Variants in SERTAD4 observed in about 807,000 individuals in gnomAD.
SERTAD4 encodes the protein SERTA domain-containing protein 4.
In SERTAD4, 18 loss-of-function variants were observed where a neutral mutation model predicts 32.9. The ratio of observed to expected loss-of-function variants is 0.55; its 90% CI spans 0.38 to 0.81. SERTAD4 has a LOEUF of 0.81. SERTAD4 is among the 30% of genes least tolerant of loss of function. The pLI, the probability that SERTAD4 is intolerant of heterozygous loss-of-function variation, is 0.00. For missense variants in SERTAD4, 383 were observed against 426.0 expected, an observed-to-expected ratio of 0.90 and a Z score of 0.89; for synonymous variants, 150 against 156.4, an observed-to-expected ratio of 0.96 and a Z score of 0.30.
At chr1:210,235,388 T>C (rs2083931040) in intron 1 of SERTAD4, among the ~76,000 whole-genome samples, 1 of 152,220 alleles carries the variant, frequency 6.6e-6, no homozygotes, top group African/African-American at 2.4e-5. Context: ...AAGTTTTAAA[T>C]AGACTAGGAA....
At position 210,242,896 on chromosome 1, in the gene SERTAD4, C is replaced by T. The variant is rs1251780640; in HGVS notation, c.*559C>T. 2.0e-6 allele frequency: 2 copies of T among 985,630 alleles called. No homozygotes were observed. The highest frequency in any genetic ancestry group is 2.4e-6 in the Non-Finnish European group (2 of 830,098). 61.1% of individuals were successfully genotyped at this position (985,630 alleles called of 1,614,324 possible). A position where few individuals can be genotyped will look rare whatever the true frequency, so the allele number is the denominator to read the frequency against. ...TAGGATGTAACATAATGAAACACAC[C>T]TGTCTAGGGGCGGCAATCAACAGTC... is the stretch of plus-strand genomic sequence containing the variant. On this transcript the variant is annotated 3_prime_UTR_variant, in exon 4 of 4. Coordinates refer to ENST00000367012, the MANE Select transcript of SERTAD4 (RefSeq NM_019605.5). The surrounding 1 kb of genome is among the most constrained non-coding windows in gnomAD (Gnocchi z 4.0).
chr1:210,238,164 C>G, intron 2 of SERTAD4, 29 bp downstream of exon 2: 1 of 1,403,774 alleles, frequency 7.1e-7, no homozygotes, highest in Non-Finnish European at 9.8e-7. Context: ...GCCCATCCCC[C>G]CCACCCCTCG....
chr1:210,243,093 CAAAAAAAA>C lies in SERTAD4; in HGVS notation c.*771_*778del, dbSNP rs57426441. 4.6e-3 allele frequency: 2,231 copies of C among 486,522 alleles called. 30 individuals are homozygous for C. In the African/African-American group the frequency reaches 0.064, roughly 14 times the overall value. 30.1% of individuals were successfully genotyped at this position (486,522 alleles called of 1,614,324 possible). ...TACAGCAGGGATTTAACAAACAGGA[CAAAAAAAA>C]AAAAAAAAAAAAAACCACAGGGTGG... On this transcript the variant is annotated 3_prime_UTR_variant, in exon 4 of 4. Coordinates refer to ENST00000367012, the MANE Select transcript of SERTAD4 (RefSeq NM_019605.5).
At chr1:210,240,462 A>T (rs896412905) in intron 3 of SERTAD4, among the ~76,000 whole-genome samples, 1 of 152,168 alleles carries the variant, frequency 6.6e-6, no homozygotes, top group African/African-American at 2.4e-5. Context: ...ATGCATTGGT[A>T]GGTACTGGGC....
chr1:210,238,716 C>T (rs539936695), intron 2 of SERTAD4, among the ~76,000 whole-genome samples: 1 of 152,252 alleles, frequency 6.6e-6, no homozygotes, highest in South Asian at 2.1e-4. Context: ...GTAAAGCACA[C>T]AATTGGTTTT....
At chr1:210,241,444 GA>G (rs1438862511) in intron 3 of SERTAD4, 113 bp from the exon 4 acceptor site, 2 of 1,092,570 alleles carry the variant, frequency 1.8e-6, no homozygotes, top group Non-Finnish European at 2.6e-6. Context: ...CCCAGACCCA[GA>G]CAGTGCCAAG....
rs182521587 is a variant in SERTAD4 at position 210,241,929 on chromosome 1, C to T, written c.663C>T (p.Ser221=). The T allele has an allele frequency of 1.2e-4, 198 of 1,614,094 alleles. No homozygotes were observed. Among genetic ancestry groups the T allele is most frequent in the South Asian group, 2.0e-4 (18 of 91,072 alleles). The stretch of plus-strand genomic sequence containing the variant: ...CCTCCACTGCTGCCTCCTCTCCCTC[C>T]GCCTCTTCTTCCTCCTCATCTTCCT... The part of the protein sequence containing the change: ...GSASTAASSP[S]ASSSSSSSSS... Residue 221 remains serine, a synonymous_variant, in exon 4 of 4, where the codon TCC becomes TCT. Coordinates refer to ENST00000367012, the MANE Select transcript of SERTAD4 (RefSeq NM_019605.5).
chr1:210,233,501 C>T (rs2147842361), intron 1 of SERTAD4: 1 of 352,620 alleles, frequency 2.8e-6, no homozygotes, highest in Non-Finnish European at 5.5e-6. Context: ...ATGTCAGGAG[C>T]GCGCGTTTGC....
Position 210,242,364 on chromosome 1 carries a change from A to G in SERTAD4, c.*27A>G. 6.5e-7 allele frequency: 1 copy of G among 1,532,904 alleles called. No homozygotes were observed. Among genetic ancestry groups the G allele is most frequent in the Non-Finnish European group, 8.7e-7 (1 of 1,145,606 alleles). The allele number at this position is 1,532,904 out of a possible 1,614,324, so 95.0% of individuals were successfully genotyped here. A position where few individuals can be genotyped will look rare whatever the true frequency, so the allele number is the denominator to read the frequency against. The stretch of plus-strand genomic sequence containing the variant: ...CCATCTTCTCACCGAACTTTGAAGC[A>G]TGCACAGCATGATCAGTTAGCTCTC... On this transcript the variant is annotated 3_prime_UTR_variant, in exon 4 of 4. Coordinates refer to ENST00000367012, the MANE Select transcript of SERTAD4 (RefSeq NM_019605.5). This position sits in a 1 kb window ranked among gnomAD's most constrained non-coding sequence, Gnocchi z 4.0.
chr1:210,236,458 G>C (rs2083941255), intron 1 of SERTAD4, among the ~76,000 whole-genome samples: 1 of 152,186 alleles, frequency 6.6e-6, no homozygotes, highest in South Asian at 2.1e-4. Context: ...AGAAGACTGG[G>C]TGAAAGGTAG....
intron 1 of SERTAD4, among the ~76,000 whole-genome samples, chr1:210,235,480 C>T (rs2083932176): frequency 6.6e-6 from 1 of 152,196 alleles, no homozygotes; most frequent in South Asian, 2.1e-4. Context: ...AAATCACTTG[C>T]AGAACTCAGC....
chr1:210,241,751 A>G lies in SERTAD4; in HGVS notation c.485A>G (p.Gln162Arg). Residue 162 changes from glutamine (Q) to arginine (R), a missense_variant, in exon 4 of 4, where the codon CAA becomes CGA. Around this residue, in one of 3 missense-constraint regions of SERTAD4, gnomAD observed 107 missense variants for 158.8 expected, o/e 0.67. Coordinates refer to ENST00000367012, the MANE Select transcript of SERTAD4 (RefSeq NM_019605.5). The stretch of plus-strand genomic sequence containing the variant: ...TGCTCTTTCAATGGCACCTCTGCCC[A>G]AGAGTGGTTTATGGCTCAAGACTGC... The part of the protein sequence containing the change: ...PACSFNGTSA[Q>R]EWFMAQDCPY... The G allele has an allele frequency of 6.2e-7, 1 of 1,614,160 alleles. No individual in the cohort carries two copies. Among genetic ancestry groups the G allele is most frequent in the South Asian group, 1.1e-5 (1 of 91,076 alleles).
At chr1:210,246,416 G>C (rs2084049256), downstream of SERTAD4, among the ~76,000 whole-genome samples, 1 of 152,200 alleles carries the variant, frequency 6.6e-6, no homozygotes, top group Non-Finnish European at 1.5e-5. Context: ...TGCCATATTT[G>C]AGCTGGGAGA....
intron 2 of SERTAD4, among the ~76,000 whole-genome samples, chr1:210,239,127 T>A (rs1261917328): frequency 2.0e-5 from 3 of 152,202 alleles, no homozygotes; most frequent in Non-Finnish European, 4.4e-5. Flanking sequence ...TCTTTAACAG[T>A]GGTGCTATGT....
At chr1:210,238,525 A>C (rs974413099) in intron 2 of SERTAD4, among the ~76,000 whole-genome samples, 1 of 152,204 alleles carries the variant, frequency 6.6e-6, no homozygotes, top group Non-Finnish European at 1.5e-5. Flanking sequence ...ATGAGATATA[A>C]AGGAATCTGC....
rs1234486038 is a variant in SERTAD4, at chr1:210,245,358, TAA to T, written c.*3022_*3023del. On this transcript the variant is annotated 3_prime_UTR_variant, in exon 4 of 4. Transcript: ENST00000367012. The stretch of plus-strand genomic sequence containing the variant: ...GGGTGCATATCATTAATGAAATCAT[TAA>T]CCTTTGTCTCTGGTCCTTCCTTTCT... 3 of 152,194 alleles carry T rather than the reference TAA, an allele frequency of 2.0e-5. No individual in the cohort carries two copies. Among genetic ancestry groups the T allele is most frequent in the Non-Finnish European group, 2.9e-5 (2 of 68,030 alleles). The allele number at this position is 152,194 out of a possible 1,614,324, so 9.4% of individuals were successfully genotyped here.
rs948323457 is a variant in SERTAD4, at chr1:210,245,173, G to A, written c.*2836G>A. The A allele has an allele frequency of 2.0e-5, 3 of 152,124 alleles. No homozygotes were observed. Among genetic ancestry groups the A allele is most frequent in the Non-Finnish European group, 4.4e-5 (3 of 68,046 alleles). The allele number at this position is 152,124 out of a possible 1,614,324, so 9.4% of individuals were successfully genotyped here. On this transcript the variant is annotated 3_prime_UTR_variant, in exon 4 of 4. Coordinates refer to ENST00000367012, the MANE Select transcript of SERTAD4 (RefSeq NM_019605.5). ...CCTCCACCCACACTGGTATCTACGC[G>A]CCTGGAAGCTGCACCTTCTCTCATT...
rs1224511590 is a variant in SERTAD4 at position 210,242,515 on chromosome 1, G to A, written c.*178G>A. 34 of 1,340,462 alleles carry A rather than the reference G, an allele frequency of 2.5e-5. No individual in the cohort carries two copies. Among genetic ancestry groups the A allele is most frequent in the Non-Finnish European group, 2.8e-5 (30 of 1,053,392 alleles). 83.0% of individuals were successfully genotyped at this position (1,340,462 alleles called of 1,614,324 possible). A position where few individuals can be genotyped will look rare whatever the true frequency, so the allele number is the denominator to read the frequency against. On this transcript the variant is annotated 3_prime_UTR_variant, in exon 4 of 4. Transcript: ENST00000367012. This position sits in a 1 kb window ranked among gnomAD's most constrained non-coding sequence, Gnocchi z 4.0. Reference sequence around the variant, plus strand: ...AAACATCTGTATAGCAGGCATCAGCGAGCTTCTTATAAATGTGGTGATTTT... The same window carrying A: ...AAACATCTGTATAGCAGGCATCAGCAAGCTTCTTATAAATGTGGTGATTTT...
rs1279007620 is a variant in SERTAD4, at chr1:210,246,102, G to C, written c.*3765G>C. The C allele has an allele frequency of 6.0e-6, 1 of 166,660 alleles. No homozygotes were observed. Among genetic ancestry groups the C allele is most frequent in the African/African-American group, 2.4e-5 (1 of 41,682 alleles). The allele number at this position is 166,660 out of a possible 1,614,324, so 10.3% of individuals were successfully genotyped here. A position where few individuals can be genotyped will look rare whatever the true frequency, so the allele number is the denominator to read the frequency against. On this transcript the variant is annotated 3_prime_UTR_variant, in exon 4 of 4. Coordinates refer to ENST00000367012, the MANE Select transcript of SERTAD4 (RefSeq NM_019605.5). The stretch of plus-strand genomic sequence containing the variant: ...CATTAGTAATGATGGTTTAAACTAG[G>C]TGCAGAACTGTCCCATGAAGAGAAG...
Sources: allele counts gnomAD v4.1 joint callset (sites outside exome capture counted in the v4.1 genomes callset), GRCh38; gene constraint gnomAD v4.1.1; regional missense constraint gnomAD v4.1.1; non-coding constraint Gnocchi (gnomAD v3.1); transcripts MANE v1.5; gene names NCBI Gene and HGNC (gene_info 2026-07-23, HGNC 2026-07-21).